CNOT7: variants seen among roughly 807,000 people sequenced by gnomAD.
CNOT7 encodes the protein BTG1-binding factor 1.
In CNOT7, 4 loss-of-function variants were observed where a neutral mutation model predicts 37.1. That is an observed-to-expected ratio of 0.11 (90% confidence interval 0.05 to 0.25). CNOT7 has a LOEUF of 0.25. Among genes scored for constraint, CNOT7 ranks in the 10% least tolerant of loss-of-function variants. The probability of loss-of-function intolerance (pLI) is 1.00; values close to 1 mark genes in which losing one functional copy is unlikely to be tolerated. For missense variants in CNOT7, 170 were observed against 336.2 expected (o/e 0.51, Z 3.87); for synonymous variants, 128 against 115.6 (o/e 1.11, Z -0.69).
At chr8:17,240,963 T>G (rs1810080071) in intron 3 of CNOT7, among the ~76,000 whole-genome samples, 1 of 152,178 alleles carries the variant, frequency 6.6e-6, no homozygotes, top group Admixed American at 6.5e-5. Flanking sequence ...CTCATAATGT[T>G]TTAAGAAAGT....
In CNOT7 at chr8:17,243,724, A is replaced by G. The variant is rs558245748; in HGVS notation, c.118-539T>C. 4.2e-5 allele frequency: 19 copies of G among 447,914 alleles called. 1 individual carries two copies. The highest frequency in any genetic ancestry group is 2.2e-4 in the African/African-American group (11 of 49,756). 27.7% of individuals were successfully genotyped at this position (447,914 alleles called of 1,614,324 possible). On this transcript the variant is annotated intron_variant, in intron 2 of 6. Transcript: ENST00000361272. ...GTCAAGAATTGCATGCCACCTACTC[A>G]CTCTTGTAGGATGTTATCACTTCTC... is the stretch of plus-strand genomic sequence containing the variant.
Position 17,226,297 on chromosome 8 carries a change from C to G in CNOT7, c.*4423G>C, listed in dbSNP as rs1169541751. ...AATTTGGGCTGAAAGTTGGTATCCCCTCATTGGAATAAATAGAAAATGTTA... is the reference window on the plus strand; with the variant it reads ...AATTTGGGCTGAAAGTTGGTATCCCGTCATTGGAATAAATAGAAAATGTTA... On this transcript the variant is annotated 3_prime_UTR_variant, in exon 7 of 7. Transcript: ENST00000361272. The G allele has an allele frequency of 1.3e-5, 2 of 151,000 alleles. No homozygotes were observed. Among genetic ancestry groups the G allele is most frequent in the South Asian group, 2.1e-4 (1 of 4,804 alleles). 9.4% of individuals were successfully genotyped at this position (151,000 alleles called of 1,614,324 possible).
intron 3 of CNOT7, chr8:17,241,952 G>A (rs936696204): frequency 3.9e-5 from 6 of 152,326 alleles, no homozygotes; most frequent in Admixed American, 3.3e-4. Flanking sequence ...GTTGAGGGGT[G>A]AAGAAAGCCA....
At position 17,237,348 on chromosome 8, in the gene CNOT7, T is replaced by TAG. The variant is rs1809515183; in HGVS notation, c.335_336dup (p.Ile113LeufsTer2). On this transcript the variant is annotated frameshift_variant, in exon 4 of 7. Coordinates refer to ENST00000361272, the MANE Select transcript of CNOT7 (RefSeq NM_013354.7). LOFTEE classifies it high-confidence loss of function. ...ATACCAGATGTTGTTAGTAGCTCTATAGAGTCCTGGGCATACATGTCCTCC... is the reference window on the plus strand; with the variant it reads ...ATACCAGATGTTGTTAGTAGCTCTATAGAGAGTCCTGGGCATACATGTCCTCC... 1 of 1,613,960 alleles carries TAG rather than the reference T, an allele frequency of 6.2e-7. No individual in the cohort carries two copies. The highest frequency in any genetic ancestry group is 8.5e-7 in the Non-Finnish European group (1 of 1,179,982).
chr8:17,236,085 G>A (rs1203007369), intron 4 of CNOT7, among the ~76,000 whole-genome samples: 1 of 152,168 alleles, frequency 6.6e-6, no homozygotes, highest in Non-Finnish European at 1.5e-5. Context: ...TGTTTCCTAA[G>A]GTACAAGTTC....
intron 2 of CNOT7, 108 bp from the exon 3 acceptor site, chr8:17,243,293 C>G: frequency 1.3e-6 from 1 of 794,768 alleles, no homozygotes; most frequent in Non-Finnish European, 2.0e-6. Context: ...ATATTCTACA[C>G]ATTTATATTC....
chr8:17,246,274 G>C (rs569752021), intron 1 of CNOT7: 1 of 152,412 alleles, frequency 6.6e-6, no homozygotes, highest in African/African-American at 2.4e-5. Context: ...AGAAACGAGA[G>C]GACGGCACCG....
intron 3 of CNOT7, among the ~76,000 whole-genome samples, chr8:17,238,061 T>C (rs182527110): frequency 1.6e-3 from 251 of 152,334 alleles, no homozygotes; most frequent in African/African-American, 5.7e-3. Context: ...AGATTTCACT[T>C]AAGCCAAAAA....
rs749409263 is a variant in CNOT7, at chr8:17,237,301, C to G, written c.384G>C (p.Glu128Asp). ...TSGIQFKKHE[E>D]EGIETQYFAE... ...CAAAGTACTGGGTTTCAATTCCTTC[C>G]TCCTCATGTTTTTTAAACTGGATAC... is the stretch of plus-strand genomic sequence containing the variant. Residue 128 changes from glutamate to aspartate, a missense_variant, in exon 4 of 7, where the codon GAG (glutamate) becomes GAC (aspartate). Physicochemically the swap from Glu to Asp is conservative, Grantham distance 45. Coordinates refer to ENST00000361272, the MANE Select transcript of CNOT7 (RefSeq NM_013354.7). 3.7e-6 allele frequency: 6 copies of G among 1,614,000 alleles called. No individual in the cohort carries two copies. Among genetic ancestry groups the G allele is most frequent in the Non-Finnish European group, 5.1e-6 (6 of 1,179,918 alleles).
At chr8:17,230,881 A>G in intron 6 of CNOT7, 33 bp from the exon 7 acceptor site, 3 of 1,487,372 alleles carry the variant, frequency 2.0e-6, no homozygotes, top group African/African-American at 1.4e-5. Flanking sequence ...AAAAAAAGAT[A>G]ATTTTAACCA....
At chr8:17,231,157 C>G (rs1808549759) in intron 6 of CNOT7, among the ~76,000 whole-genome samples, 1 of 151,990 alleles carries the variant, frequency 6.6e-6, no homozygotes, top group African/African-American at 2.4e-5. Context: ...TAACAATACT[C>G]AAGAATGAAG....
chr8:17,232,912 AT>A (rs1280007125), intron 5 of CNOT7, among the ~76,000 whole-genome samples: 3 of 152,074 alleles, frequency 2.0e-5, no homozygotes, highest in African/African-American at 7.2e-5. Context: ...GTATAACACC[AT>A]TTTTTTCATA....
At chr8:17,231,953 C>T in intron 6 of CNOT7, 1 of 987,934 alleles carries the variant, frequency 1.0e-6, no homozygotes, top group Non-Finnish European at 1.2e-6. Flanking sequence ...ATAAAATCTT[C>T]AAAGCACTGA....
rs979190706 is a variant in CNOT7 at position 17,229,746 on chromosome 8, C to T, written c.*974G>A. Reference sequence around the variant, plus strand: ...TTTTGTCTTCTAATTTAATTTGGTACAAAATATACCTAAAGACTTATCTTT... The same window carrying T: ...TTTTGTCTTCTAATTTAATTTGGTATAAAATATACCTAAAGACTTATCTTT... On this transcript the variant is annotated 3_prime_UTR_variant, in exon 7 of 7. Coordinates refer to ENST00000361272, the MANE Select transcript of CNOT7 (RefSeq NM_013354.7). 6.8e-5 allele frequency: 10 copies of T among 147,418 alleles called. No individual in the cohort carries two copies. Among genetic ancestry groups the T allele is most frequent in the African/African-American group, 2.5e-4 (10 of 39,652 alleles). The allele number at this position is 147,418 out of a possible 1,614,324, so 9.1% of individuals were successfully genotyped here.
At chr8:17,235,986 G>A (rs1372682391) in intron 4 of CNOT7, among the ~76,000 whole-genome samples, 1 of 152,018 alleles carries the variant, frequency 6.6e-6, no homozygotes, top group Non-Finnish European at 1.5e-5. Context: ...TAAAAGGGAA[G>A]GGCAATACTT....
At chr8:17,243,369 A>C in intron 2 of CNOT7, 184 bp from the exon 3 acceptor site, 2 of 643,888 alleles carry the variant, frequency 3.1e-6, no homozygotes, top group East Asian at 2.8e-5. Flanking sequence ...CTATAAACTT[A>C]ATAACCTTTC....
At chr8:17,231,416 G>T in intron 6 of CNOT7, 1 of 540,742 alleles carries the variant, frequency 1.8e-6, no homozygotes, top group Non-Finnish European at 2.4e-6. Flanking sequence ...CCAAAAGGTT[G>T]TTTCAATTAT....
intron 6 of CNOT7, chr8:17,231,767 A>C (rs1808651426): frequency 1.0e-6 from 1 of 985,426 alleles, no homozygotes; most frequent in African/African-American, 1.7e-5. Context: ...ATTTAGTTTC[A>C]TTCTTCCATC....
In CNOT7 at chr8:17,230,580, G is replaced by A. The variant is rs1563184624; in HGVS notation, c.*140C>T. On this transcript the variant is annotated 3_prime_UTR_variant, in exon 7 of 7. Transcript: ENST00000361272. ...TCTGAGATAGGAACGGTCATACTTA[G>A]TACTGAAAGGCAGACAATAAAATGG... 1 of 548,928 alleles carries A rather than the reference G, an allele frequency of 1.8e-6. No homozygotes were observed. The highest frequency in any genetic ancestry group is 3.1e-6 in the Non-Finnish European group (1 of 326,126). The allele number at this position is 548,928 out of a possible 1,614,324, so 34.0% of individuals were successfully genotyped here. A position where few individuals can be genotyped will look rare whatever the true frequency, so the allele number is the denominator to read the frequency against.
Sources: allele counts gnomAD v4.1 joint callset (sites outside exome capture counted in the v4.1 genomes callset), GRCh38; gene constraint gnomAD v4.1.1; transcripts MANE v1.5; gene names NCBI Gene and HGNC (gene_info 2026-07-23, HGNC 2026-07-21).